Variants in SENP5 observed in about 807,000 individuals in gnomAD.
SENP5 encodes the protein sentrin-specific protease 5.
A neutral mutation model predicts 74.2 loss-of-function variants in SENP5; 21 were observed. The observed-to-expected ratio is 0.28, with a 90% CI of 0.20 to 0.41. The LOEUF is 0.41. SENP5 is among the 10% of genes least tolerant of loss of function. SENP5 has a pLI of 1.00. For synonymous variants in SENP5, 311 were observed against 312.7 expected (o/e 0.99, Z 0.06); for missense variants, 717 against 889.1 (o/e 0.81, Z 2.46).
chr3:196,901,044 T>C (rs200901941), intron 5 of SENP5, among the ~76,000 whole-genome samples: 26,497 of 140,040 alleles, frequency 0.19, 3,077 homozygotes, highest in South Asian at 0.38. Flanking sequence ...TATGTATTTA[T>C]TTTACTTTTT....
At chr3:196,910,335 C>CTTTTTTTT (rs869108574) in intron 6 of SENP5, among the ~76,000 whole-genome samples, 2 of 51,370 alleles carry the variant, frequency 3.9e-5, no homozygotes, top group Non-Finnish European at 6.4e-5. Flanking sequence ...CCAAAGTAAT[C>CTTTTTTTT]TTTTTTTTTT....
intron 1 of SENP5, among the ~76,000 whole-genome samples, chr3:196,880,488 A>G (rs1458832335): frequency 6.6e-6 from 1 of 152,120 alleles, no homozygotes; most frequent in Non-Finnish European, 1.5e-5. Context: ...CAGTTGTCAC[A>G]TGACTTTTCT....
chr3:196,895,761 A>G (rs1047377566), intron 2 of SENP5, among the ~76,000 whole-genome samples: 8 of 152,118 alleles, frequency 5.3e-5, no homozygotes, highest in African/African-American at 9.7e-5. Flanking sequence ...AGCTTAAGCA[A>G]TCCTTCTGTC....
intron 6 of SENP5, among the ~76,000 whole-genome samples, chr3:196,916,687 C>T (rs1715392187): frequency 6.6e-6 from 1 of 151,882 alleles, no homozygotes; most frequent in African/African-American, 2.4e-5. Flanking sequence ...GCCACTATGC[C>T]TGGCTAATTT....
intron 1 of SENP5, among the ~76,000 whole-genome samples, chr3:196,868,880 A>ATGTTTTTTTTTTTGTT (rs1553816677): frequency 8.6e-4 from 123 of 142,290 alleles, no homozygotes; most frequent in Admixed American, 1.4e-3. Context: ...GTTCCTACTT[A>ATGTTTTTTTTTTTGTT]TGTTTTTTTT....
chr3:196,872,263 C>A (rs746535020), intron 1 of SENP5, among the ~76,000 whole-genome samples: 4 of 152,206 alleles, frequency 2.6e-5, no homozygotes, highest in Non-Finnish European at 5.9e-5. Context: ...GAACATACAG[C>A]AGCATGGCTG....
At chr3:196,907,844 G>A (rs771731872) in intron 6 of SENP5, among the ~76,000 whole-genome samples, 12 of 152,032 alleles carry the variant, frequency 7.9e-5, no homozygotes, top group Non-Finnish European at 1.8e-4. Flanking sequence ...GCTGCCCGTG[G>A]GCTGTGGACT....
At chr3:196,917,158 C>CA (rs1053292839) in intron 6 of SENP5, among the ~76,000 whole-genome samples, 2 of 151,762 alleles carry the variant, frequency 1.3e-5, no homozygotes, top group African/African-American at 4.8e-5. Context: ...CAACAAAACA[C>CA]AAAAAACAAA....
intron 1 of SENP5, 74 bp from the exon 2 acceptor site, chr3:196,885,077 G>A (rs1447996492): frequency 3.7e-6 from 3 of 807,666 alleles, no homozygotes; most frequent in Non-Finnish European, 3.9e-6. Context: ...TCAATTTTCT[G>A]CCTTAGTTAC....
At chr3:196,890,525 T>A (rs1480186783) in intron 2 of SENP5, among the ~76,000 whole-genome samples, 7 of 151,636 alleles carry the variant, frequency 4.6e-5, no homozygotes, top group Non-Finnish European at 8.8e-5. Flanking sequence ...ACAAGGTGAA[T>A]ACTTTGCAAT....
chr3:196,930,107 C>G (rs1246502011), intron 9 of SENP5, among the ~76,000 whole-genome samples: 1 of 151,708 alleles, frequency 6.6e-6, no homozygotes, highest in African/African-American at 2.4e-5. Context: ...CCTTAGAGAT[C>G]GAAAAGGGCT....
At chr3:196,920,305 C>T (rs1392352184) in intron 6 of SENP5, among the ~76,000 whole-genome samples, 2 of 152,076 alleles carry the variant, frequency 1.3e-5, no homozygotes, top group Non-Finnish European at 2.9e-5. Flanking sequence ...TTTCATGTTT[C>T]TGAATTGGCT....
intron 1 of SENP5, among the ~76,000 whole-genome samples, chr3:196,869,564 C>T (rs796437326): frequency 8.6e-5 from 13 of 151,604 alleles, no homozygotes; most frequent in African/African-American, 3.1e-4. Context: ...AGTTCGAGAT[C>T]AGCCTAACCA....
intron 7 of SENP5, among the ~76,000 whole-genome samples, chr3:196,927,431 A>C (rs888505037): frequency 6.6e-6 from 1 of 152,180 alleles, no homozygotes; most frequent in African/African-American, 2.4e-5. Flanking sequence ...TGAATACAGA[A>C]GGTCTGACTC....
intron 6 of SENP5, among the ~76,000 whole-genome samples, chr3:196,915,664 T>C (rs1577838401): frequency 6.6e-6 from 1 of 151,974 alleles, no homozygotes; most frequent in Admixed American, 6.6e-5. Flanking sequence ...GCCATGGGAG[T>C]GCTTGCACCA....
rs1046013570 is a variant in SENP5 at position 196,885,370 on chromosome 3, T to C, written c.189T>C (p.Ala63=). 1.9e-6 allele frequency: 3 copies of C among 1,614,020 alleles called. No homozygotes were observed. Among genetic ancestry groups the C allele is most frequent in the Admixed American group, 3.3e-5 (2 of 59,990 alleles). ...QLRHFQGRKK[A]LQIQKTWIKD... is the part of the protein sequence containing the mutation. ...GACATTTCCAGGGTAGAAAGAAAGC[T>C]CTTCAAATCCAGAAAACGTGGATCA... Residue 63 remains alanine, a synonymous_variant, in exon 2 of 10, where the codon GCT becomes GCC. Coordinates refer to ENST00000323460, the MANE Select transcript of SENP5 (RefSeq NM_152699.5).
Position 196,886,410 on chromosome 3 carries a change from G to A in SENP5, c.1229G>A (p.Arg410Lys). ...ENQTSSVSDD[R>K]VKLSVSGADT... is the part of the protein sequence containing the mutation. ...CAGACAAGTTCTGTCAGTGATGACA[G>A]AGTAAAACTGTCAGTGTCTGGAGCA... is the stretch of plus-strand genomic sequence containing the variant. Residue 410 changes from arginine to lysine, a missense_variant, in exon 2 of 10, where the codon AGA becomes AAA. By Grantham distance (26) the Arg-to-Lys change is conservative (BLOSUM62 2). Coordinates refer to ENST00000323460, the MANE Select transcript of SENP5 (RefSeq NM_152699.5). 6.2e-7 allele frequency: 1 copy of A among 1,612,144 alleles called. No individual in the cohort carries two copies. The highest frequency in any genetic ancestry group is 8.5e-7 in the Non-Finnish European group (1 of 1,178,760).
intron 2 of SENP5, among the ~76,000 whole-genome samples, chr3:196,891,214 C>T (rs1375379111): frequency 1.3e-5 from 2 of 152,120 alleles, no homozygotes; most frequent in African/African-American, 2.4e-5. Context: ...CATATGATTT[C>T]GTTCATTTGA....
chr3:196,879,409 C>T (rs1006906605), intron 1 of SENP5, among the ~76,000 whole-genome samples: 2 of 152,264 alleles, frequency 1.3e-5, no homozygotes, highest in African/African-American at 2.4e-5. Context: ...GTTCTCTGTA[C>T]CTACTACTAA....
Sources: allele counts gnomAD v4.1 joint callset (sites outside exome capture counted in the v4.1 genomes callset), GRCh38; gene constraint gnomAD v4.1.1; transcripts MANE v1.5; gene names NCBI Gene and HGNC (gene_info 2026-07-23, HGNC 2026-07-21).